Variants in CACNG2 observed in about 807,000 individuals in gnomAD.
CACNG2 encodes voltage-dependent calcium channel gamma-2 subunit.
In CACNG2, 3 loss-of-function variants were observed where a neutral mutation model predicts 25.9. The observed-to-expected ratio is 0.12, with a 90% confidence interval of 0.05 to 0.30. CACNG2 has a LOEUF of 0.30. Ranked by LOEUF, CACNG2 falls within the 10% of genes least tolerant of loss-of-function variation. CACNG2 has a pLI of 1.00. For synonymous variants in CACNG2, 167 were observed against 173.3 expected (o/e 0.96, Z 0.29); for missense variants, 341 against 432.5 (o/e 0.79, Z 1.88).
intron 2 of CACNG2, among the ~76,000 whole-genome samples, chr22:36,580,432 G>T (rs117489776): frequency 8.5e-5 from 13 of 152,138 alleles, no homozygotes; most frequent in Admixed American, 7.2e-4. Context: ...CCTCTCTTGT[G>T]TGTGTTGTGG....
At chr22:36,701,902 T>C (rs1937415528) in intron 1 of CACNG2, among the ~76,000 whole-genome samples, 1 of 152,090 alleles carries the variant, frequency 6.6e-6, no homozygotes, top group Admixed American at 6.6e-5. Context: ...CAGATGGTGG[T>C]GTGTCTAGGA....
At chr22:36,601,128 C>T (rs1347714669) in intron 1 of CACNG2, among the ~76,000 whole-genome samples, 3 of 152,122 alleles carry the variant, frequency 2.0e-5, no homozygotes, top group African/African-American at 7.2e-5. Flanking sequence ...ATCCTTTGAC[C>T]TATATCTCTC....
At chr22:36,570,943 C>A (rs910486287) in intron 2 of CACNG2, among the ~76,000 whole-genome samples, 1 of 151,950 alleles carries the variant, frequency 6.6e-6, no homozygotes, top group Non-Finnish European at 1.5e-5. Context: ...GTGTCACAAA[C>A]GGAATGGGGA....
chr22:36,661,966 CTTTTTTTTTTTTTTTTTTTT>C (rs71193254), intron 1 of CACNG2, among the ~76,000 whole-genome samples: 1 of 44,540 alleles, frequency 2.2e-5, no homozygotes, highest in South Asian at 1.6e-3. Flanking sequence ...CATTGCTATT[CTTTTTTTTTTTTTTTTTTTT>C]TTTTTTTTTT....
rs1405315681 is a variant in CACNG2 at position 36,677,346 on chromosome 22, A to G, written c.211+25020T>C. ...ACCAAATATCACCTAAGGAATAGGA[A>G]GCATTGGTGTGTGTCCATCTCTATT... is the stretch of plus-strand genomic sequence containing the variant. On this transcript the variant is annotated intron_variant, in intron 1 of 3. Transcript: ENST00000300105. 2.0e-5 allele frequency among the ~76,000 whole-genome samples: 3 copies of G among 152,162 alleles called. No homozygotes were observed. The East Asian group carries it at 5.8e-4, about 29-fold the overall frequency.
rs771776275 is a variant in CACNG2 at position 36,633,748 on chromosome 22, A to T, written c.212-46200T>A. Among the ~76,000 whole-genome samples the T allele has an allele frequency of 3.9e-5, 6 of 152,258 alleles. 1 individual carries two copies. The highest frequency in any genetic ancestry group is 3.3e-4 in the Admixed American group (5 of 15,288). On this transcript the variant is annotated intron_variant, in intron 1 of 3. Coordinates refer to ENST00000300105, the MANE Select transcript of CACNG2 (RefSeq NM_006078.5). Reference sequence around the variant, plus strand: ...CAAGTTTATAAGACGTGGGCTTTAGAACAGGAATATGTACCTCCGTACTGC... The same window carrying T: ...CAAGTTTATAAGACGTGGGCTTTAGTACAGGAATATGTACCTCCGTACTGC...
chr22:36,645,385 A>T (rs1936503583), intron 1 of CACNG2, among the ~76,000 whole-genome samples: 1 of 151,896 alleles, frequency 6.6e-6, no homozygotes, highest in African/African-American at 2.4e-5. Context: ...AAAATACAAA[A>T]AATTAGCCAG....
At chr22:36,643,138 C>G (rs1247056313) in intron 1 of CACNG2, among the ~76,000 whole-genome samples, 1 of 148,698 alleles carries the variant, frequency 6.7e-6, no homozygotes, top group Non-Finnish European at 1.5e-5. Flanking sequence ...CTTTCTCTCT[C>G]TCTCCTTCTT....
chr22:36,567,110 A>T (rs936251712), intron 2 of CACNG2, among the ~76,000 whole-genome samples: 1 of 152,188 alleles, frequency 6.6e-6, no homozygotes, highest in Non-Finnish European at 1.5e-5. Flanking sequence ...CAATAGAAAA[A>T]GTATCTCACC....
chr22:36,633,759 G>T (rs1356427618), intron 1 of CACNG2, among the ~76,000 whole-genome samples: 7 of 152,238 alleles, frequency 4.6e-5, no homozygotes, highest in African/African-American at 1.7e-4. Context: ...ACAGGAATAT[G>T]TACCTCCGTA....
chr22:36,647,554 C>T (rs1286404905), intron 1 of CACNG2, among the ~76,000 whole-genome samples: 12 of 151,962 alleles, frequency 7.9e-5, no homozygotes, highest in Non-Finnish European at 5.9e-5. Flanking sequence ...CAAGATCATG[C>T]CATTGCACTC....
intron 1 of CACNG2, among the ~76,000 whole-genome samples, chr22:36,651,090 A>G (rs764524692): frequency 2.5e-4 from 38 of 152,208 alleles, no homozygotes; most frequent in Non-Finnish European, 4.4e-4. Flanking sequence ...TCTTGTCTCT[A>G]CGTAGCATGT....
intron 1 of CACNG2, among the ~76,000 whole-genome samples, chr22:36,616,196 A>C (rs1936020023): frequency 6.6e-6 from 1 of 152,210 alleles, no homozygotes; most frequent in Non-Finnish European, 1.5e-5. Flanking sequence ...TGTTGTGTGA[A>C]GGTCAAATGA....
chr22:36,640,628 C>T (rs1211542692), intron 1 of CACNG2, among the ~76,000 whole-genome samples: 1 of 152,210 alleles, frequency 6.6e-6, no homozygotes, highest in African/African-American at 2.4e-5. Context: ...AAGGTAGGGC[C>T]CGAGCCTTCA....
At chr22:36,656,841 G>A (rs536893571) in intron 1 of CACNG2, among the ~76,000 whole-genome samples, 28 of 152,250 alleles carry the variant, frequency 1.8e-4, no homozygotes, top group Admixed American at 5.2e-4. Context: ...TTAAAATGGC[G>A]GCGTTCCTGG....
chr22:36,684,557 A>C (rs1275439977), intron 1 of CACNG2, among the ~76,000 whole-genome samples: 1 of 148,874 alleles, frequency 6.7e-6, no homozygotes, highest in Non-Finnish European at 1.5e-5. Flanking sequence ...TCAAGGCTGC[A>C]GTGAGCCAAG....
chr22:36,596,621 C>A (rs1935682854), intron 1 of CACNG2, among the ~76,000 whole-genome samples: 1 of 152,150 alleles, frequency 6.6e-6, no homozygotes, highest in Non-Finnish European at 1.5e-5. Flanking sequence ...TGCCTGCCTG[C>A]CATGAATTTG....
intron 1 of CACNG2, among the ~76,000 whole-genome samples, chr22:36,681,369 G>T (rs73171845): frequency 0.042 from 6,332 of 152,244 alleles, 215 homozygotes; most frequent in Admixed American, 0.092. Flanking sequence ...GGGAAAAGGG[G>T]CACATCTTTT....
In CACNG2 at chr22:36,563,303, GC is replaced by G. The variant is rs1935060385; in HGVS notation, c.*1047del. On this transcript the variant is annotated 3_prime_UTR_variant, in exon 4 of 4. Transcript: ENST00000300105. ...CTTATGAGTCAGGGGGTCCACCATC[GC>G]CCCAGGGTCATCAGGTGGCCCTGAG... is the stretch of plus-strand genomic sequence containing the variant. Among the ~76,000 whole-genome samples, 1 of 151,832 alleles carries G rather than the reference GC, an allele frequency of 6.6e-6. No individual in the cohort carries two copies. The highest frequency in any genetic ancestry group is 1.5e-5 in the Non-Finnish European group (1 of 67,918).
Sources: gnomAD v4.1 joint callset for allele counts (sites outside exome capture counted in the v4.1 genomes callset) on GRCh38, gnomAD v4.1.1 for gene constraint, MANE v1.5 for transcripts, NCBI Gene and HGNC (gene_info 2026-07-23, HGNC 2026-07-21) for gene names.